Variants in ASTN1 observed in about 807,000 individuals in gnomAD.
The protein encoded by ASTN1 is astrotactin 1, also known as astrotactin-1.
ASTN1 carries 41 observed loss-of-function variants against 140.7 expected under a neutral mutation model. The ratio of observed to expected loss-of-function variants is 0.29; its 90% confidence interval spans 0.23 to 0.38. The LOEUF is 0.38. Ranked by LOEUF, ASTN1 falls within the 10% of genes least tolerant of loss-of-function variation. The pLI is 1.00. For synonymous variants in ASTN1, 640 were observed against 652.2 expected, an observed-to-expected ratio of 0.98 and a Z score of 0.29; for missense variants, 1,479 against 1,678.8, an observed-to-expected ratio of 0.88 and a Z score of 2.08.
chr1:176,883,436 C>T (rs1410961975), intron 19 of ASTN1, among the ~76,000 whole-genome samples: 6 of 152,098 alleles, frequency 3.9e-5, no homozygotes, highest in Admixed American at 2.0e-4. Context: ...CCTCGTGATC[C>T]GCCCAGCTCG....
At chr1:177,029,439 G>T in intron 5 of ASTN1, 195 bp downstream of exon 5, 1 of 758,496 alleles carries the variant, frequency 1.3e-6, no homozygotes, top group Non-Finnish European at 2.5e-6. Context: ...TGGGAGAGAT[G>T]ATTCTCTGAA....
chr1:177,022,493 G>A (rs1234387350), intron 7 of ASTN1, among the ~76,000 whole-genome samples: 1 of 152,206 alleles, frequency 6.6e-6, no homozygotes, highest in Non-Finnish European at 1.5e-5. Context: ...ACTGAAATAA[G>A]AGATCCATGC....
intron 1 of ASTN1, among the ~76,000 whole-genome samples, chr1:177,122,931 C>G (rs1007229561): frequency 8.5e-5 from 13 of 152,142 alleles, no homozygotes; most frequent in African/African-American, 3.1e-4. Context: ...GAGGCCTCTA[C>G]CTTCTTCTCT....
At chr1:176,994,108 C>CG (rs1351353030) in intron 8 of ASTN1, among the ~76,000 whole-genome samples, 34 of 149,744 alleles carry the variant, frequency 2.3e-4, no homozygotes, top group Admixed American at 1.3e-3. Context: ...CCCCACCCCC[C>CG]CCGCCACCCA....
chr1:177,059,330 C>T (rs1397171862), intron 2 of ASTN1, among the ~76,000 whole-genome samples: 2 of 152,136 alleles, frequency 1.3e-5, no homozygotes, highest in Non-Finnish European at 2.9e-5. Flanking sequence ...AATGCCAGGG[C>T]CAATTCAGCT....
intron 1 of ASTN1, among the ~76,000 whole-genome samples, chr1:177,130,552 T>C (rs183763985): frequency 3.3e-5 from 5 of 152,264 alleles, no homozygotes; most frequent in Admixed American, 2.0e-4. Flanking sequence ...AAGTGTCACA[T>C]TGCAGGTCAC....
intron 9 of ASTN1, among the ~76,000 whole-genome samples, chr1:176,961,775 C>T (rs1672676283): frequency 6.6e-6 from 1 of 152,194 alleles, no homozygotes; most frequent in African/African-American, 2.4e-5. Flanking sequence ...GTCCCTCATT[C>T]ATGCAGATTT....
intron 5 of ASTN1, among the ~76,000 whole-genome samples, chr1:177,027,713 A>AGTGTGTGTGTGTGT (rs56405518): frequency 1.3e-4 from 16 of 118,648 alleles, no homozygotes; most frequent in Non-Finnish European, 2.3e-4. Flanking sequence ...AACCCAGTAC[A>AGTGTGTGTGTGTGT]GTGTGTGTGT....
At chr1:177,066,321 C>T (rs1678351670) in intron 1 of ASTN1, among the ~76,000 whole-genome samples, 1 of 152,142 alleles carries the variant, frequency 6.6e-6, no homozygotes, top group Admixed American at 6.6e-5. Flanking sequence ...TAATTTAGAG[C>T]TTCTGCATGC....
In ASTN1 at chr1:177,032,460, T is replaced by C; in HGVS notation, c.861A>G (p.Thr287=). Residue 287 remains threonine (T), a synonymous_variant, in exon 3 of 23, where the codon ACA becomes ACG. Coordinates refer to ENST00000361833, the MANE Select transcript of ASTN1 (RefSeq NM_004319.3). ...TTGCCTTTCTCCCATCCCCACCTGG[T>C]GTGAGGTCCATCCCCGACTTTTCAT... ...GCNEKSGMDL[T]PGSDNAKLSL... is the part of the protein sequence containing the mutation. 1 of 1,613,102 alleles carries C rather than the reference T, an allele frequency of 6.2e-7. No homozygotes were observed. The highest frequency in any genetic ancestry group is 8.5e-7 in the Non-Finnish European group (1 of 1,179,430).
intron 8 of ASTN1, among the ~76,000 whole-genome samples, chr1:176,989,054 T>C (rs1333320692): frequency 6.6e-6 from 1 of 152,154 alleles, no homozygotes; most frequent in Non-Finnish European, 1.5e-5. Flanking sequence ...AATGGAGAGG[T>C]CTTAAGTAAT....
intron 1 of ASTN1, among the ~76,000 whole-genome samples, chr1:177,122,409 A>G (rs1681441596): frequency 6.6e-6 from 1 of 152,216 alleles, no homozygotes; most frequent in Non-Finnish European, 1.5e-5. Context: ...GGAGCTGAGC[A>G]GTGATGGCTC....
Position 176,862,292 on chromosome 1 carries a change from G to A in ASTN1, c.*1992C>T, listed in dbSNP as rs1667995299. 2.0e-6 allele frequency: 2 copies of A among 985,316 alleles called. No homozygotes were observed. Among genetic ancestry groups the A allele is most frequent in the African/African-American group, 1.7e-5 (1 of 57,234 alleles). 61.0% of individuals were successfully genotyped at this position (985,316 alleles called of 1,614,324 possible). On this transcript the variant is annotated 3_prime_UTR_variant, in exon 23 of 23. Transcript: ENST00000361833. Reference sequence around the variant, plus strand: ...TCAGTGTTTGGAAAGAAGGAGAGAGGAGAGTGAAACCACCCTGTGCTTTAT... The same window carrying A: ...TCAGTGTTTGGAAAGAAGGAGAGAGAAGAGTGAAACCACCCTGTGCTTTAT...
intron 16 of ASTN1, among the ~76,000 whole-genome samples, chr1:176,903,498 C>T (rs1221874846): frequency 2.6e-5 from 4 of 152,098 alleles, no homozygotes; most frequent in African/African-American, 9.7e-5. Flanking sequence ...GCCTAGCACT[C>T]GGTACTCTGC....
chr1:177,127,254 T>C (rs1405330401), intron 1 of ASTN1, among the ~76,000 whole-genome samples: 2 of 152,196 alleles, frequency 1.3e-5, no homozygotes, highest in Admixed American at 6.5e-5. Context: ...TTAGTGTCGA[T>C]TGCACACTAA....
rs558742284 is a variant in ASTN1 at position 177,058,189 on chromosome 1, C to T, written c.471+2889G>A. Among the ~76,000 whole-genome samples the T allele has an allele frequency of 1.4e-4, 22 of 152,126 alleles. No homozygotes were observed. In the East Asian group the frequency reaches 2.9e-3, roughly 20 times the overall value. The stretch of plus-strand genomic sequence containing the variant: ...AAACCATCTTTGACAGGGAAAGGAG[C>T]GGGTAGGGAGGAAATATTTATATCT... On this transcript the variant is annotated intron_variant, in intron 2 of 22. Coordinates refer to ENST00000361833, the MANE Select transcript of ASTN1 (RefSeq NM_004319.3).
At chr1:177,087,016 T>C (rs1315090145) in intron 1 of ASTN1, among the ~76,000 whole-genome samples, 1 of 152,216 alleles carries the variant, frequency 6.6e-6, no homozygotes, top group Non-Finnish European at 1.5e-5. Context: ...TCAAACTTTT[T>C]TTTTAGAATT....
At chr1:177,028,621 C>T (rs1676256118) in intron 5 of ASTN1, among the ~76,000 whole-genome samples, 1 of 152,120 alleles carries the variant, frequency 6.6e-6, no homozygotes, top group South Asian at 2.1e-4. Context: ...GGAGATGCCA[C>T]TCAAATATCC....
rs1407175112 is a variant in ASTN1, at chr1:176,862,806, T to TA, written c.*1477dup. On this transcript the variant is annotated 3_prime_UTR_variant, in exon 23 of 23. Transcript: ENST00000361833. ...CGCCTGGCATACAGCAAGCACTCAA[T>TA]AAATGTTATCTGTCACTACTACTAT... 1.0e-6 allele frequency: 1 copy of TA among 984,980 alleles called. No individual in the cohort carries two copies. The highest frequency in any genetic ancestry group is 6.1e-5 in the Admixed American group (1 of 16,264). 61.0% of individuals were successfully genotyped at this position (984,980 alleles called of 1,614,324 possible).
Sources: gnomAD v4.1 joint callset for allele counts (sites outside exome capture counted in the v4.1 genomes callset) on GRCh38, gnomAD v4.1.1 for gene constraint, MANE v1.5 for transcripts, NCBI Gene and HGNC (gene_info 2026-07-23, HGNC 2026-07-21) for gene names.